PELI2: variants seen among roughly 807,000 people sequenced by gnomAD.
PELI2 encodes pellino E3 ubiquitin protein ligase family member 2, also known as E3 ubiquitin-protein ligase pellino homolog 2.
A neutral mutation model predicts 42.3 loss-of-function variants in PELI2; 23 were observed. The observed-to-expected ratio is 0.54, with a 90% confidence interval of 0.39 to 0.77. PELI2 has a LOEUF of 0.77. Among genes scored for constraint, PELI2 ranks in the 30% least tolerant of loss-of-function variants. PELI2 has a pLI of 0.00. For synonymous variants in PELI2, 245 were observed against 212.2 expected (o/e 1.15, Z -1.34); for missense variants, 463 against 553.2 (o/e 0.84, Z 1.64).
intron 1 of PELI2, among the ~76,000 whole-genome samples, chr14:56,175,352 G>A (rs1885334279): frequency 6.6e-6 from 1 of 152,174 alleles, no homozygotes; most frequent in Admixed American, 6.5e-5. Context: ...AATGCGTCCT[G>A]CCATGTGCCT....
chr14:56,127,024 G>A (rs1883295665), intron 1 of PELI2, among the ~76,000 whole-genome samples: 1 of 152,114 alleles, frequency 6.6e-6, no homozygotes, highest in African/African-American at 2.4e-5. Context: ...CAGCCTTTTT[G>A]ATGAGTTATT....
At chr14:56,212,452 T>G (rs1886744359) in intron 2 of PELI2, among the ~76,000 whole-genome samples, 1 of 152,230 alleles carries the variant, frequency 6.6e-6, no homozygotes, top group South Asian at 2.1e-4. Flanking sequence ...GCATCCCCTC[T>G]TCTTTTCCCT....
intron 1 of PELI2, among the ~76,000 whole-genome samples, chr14:56,162,628 A>G (rs1415845748): frequency 1.3e-5 from 2 of 152,206 alleles, no homozygotes; most frequent in Non-Finnish European, 2.9e-5. Context: ...GTATATACCC[A>G]GTAGTGAGAT....
intron 2 of PELI2, among the ~76,000 whole-genome samples, chr14:56,182,271 T>G (rs1885615625): frequency 6.6e-6 from 1 of 152,100 alleles, no homozygotes; most frequent in Non-Finnish European, 1.5e-5. Context: ...ATTTGGATTT[T>G]TAAATAAGGG....
intron 2 of PELI2, among the ~76,000 whole-genome samples, chr14:56,187,060 G>GTT (rs1885793706): frequency 6.6e-6 from 1 of 152,140 alleles, no homozygotes; most frequent in Admixed American, 6.5e-5. Flanking sequence ...AAATGAAGGA[G>GTT]TTAAAAAGTT....
chr14:56,149,661 T>C (rs1007278294), intron 1 of PELI2, among the ~76,000 whole-genome samples: 2 of 152,202 alleles, frequency 1.3e-5, no homozygotes, highest in Non-Finnish European at 2.9e-5. Flanking sequence ...TCTGGTAGAT[T>C]AATTTTTACC....
intron 1 of PELI2, among the ~76,000 whole-genome samples, chr14:56,134,034 G>T (rs1883593115): frequency 6.6e-6 from 1 of 152,138 alleles, no homozygotes; most frequent in South Asian, 2.1e-4. Context: ...AGAATGCTTA[G>T]TTTATTTATA....
intron 2 of PELI2, among the ~76,000 whole-genome samples, chr14:56,211,744 G>A (rs914440722): frequency 5.3e-5 from 8 of 152,104 alleles, no homozygotes; most frequent in Non-Finnish European, 1.0e-4. Context: ...AGCTGATAAG[G>A]TTGCCAGATG....
At position 56,118,625 on chromosome 14, in the gene PELI2, G is replaced by GCGT; in HGVS notation, c.-33_-31dup. The stretch of plus-strand genomic sequence containing the variant: ...GGCGGGGATCGCGGCGGAGGCGGCG[G>GCGT]CGTCGGCGGCGGCGTCGGCGGCCGA... On this transcript the variant is annotated 5_prime_UTR_variant, in exon 1 of 6. Coordinates refer to ENST00000267460, the MANE Select transcript of PELI2 (RefSeq NM_021255.3). 8 of 1,282,710 alleles carry GCGT rather than the reference G, an allele frequency of 6.2e-6. No individual in the cohort carries two copies. Among genetic ancestry groups the GCGT allele is most frequent in the Non-Finnish European group, 8.1e-6 (8 of 985,342 alleles). The allele number at this position is 1,282,710 out of a possible 1,614,324, so 79.5% of individuals were successfully genotyped here. A position where few individuals can be genotyped will look rare whatever the true frequency, so the allele number is the denominator to read the frequency against.
chr14:56,118,893 G>A lies in PELI2; in HGVS notation c.77+156G>A, dbSNP rs1453364456. ...TCAGGGCCCGGACGGCGGCGCGGGG[G>A]CGGGATGCGCCCCATCGGCGCGCGC... On this transcript the variant is annotated intron_variant, in intron 1 of 5. Transcript: ENST00000267460. 2.0e-5 allele frequency among the ~76,000 whole-genome samples: 3 copies of A among 150,762 alleles called. No individual in the cohort carries two copies. The East Asian group carries it at 5.9e-4, about 30-fold the overall frequency.
rs929138537 is a variant in PELI2 at position 56,288,332 on chromosome 14, A to G, written c.310-105A>G. On this transcript the variant is annotated intron_variant, in intron 3 of 5. Transcript: ENST00000267460. This position sits in a 1 kb window ranked among gnomAD's most constrained non-coding sequence, Gnocchi z 4.6. ...TGCATTAAATTCTAACCCTCAGAAC[A>G]AGGATAGTGAATGTTAAAGGAATCC... The G allele has an allele frequency of 2.5e-6, 2 of 807,894 alleles. No individual in the cohort carries two copies. The highest frequency in any genetic ancestry group is 4.1e-6 in the Non-Finnish European group (2 of 487,670). 50.0% of individuals were successfully genotyped at this position (807,894 alleles called of 1,614,324 possible).
chr14:56,257,449 TTTAAA>T (rs1250319316), intron 2 of PELI2, among the ~76,000 whole-genome samples: 6 of 152,214 alleles, frequency 3.9e-5, no homozygotes, highest in Admixed American at 1.3e-4. Context: ...TTTAAAATTG[TTTAAA>T]TTATTAAAAT....
chr14:56,185,136 G>A (rs754264865), intron 2 of PELI2, among the ~76,000 whole-genome samples: 8 of 152,024 alleles, frequency 5.3e-5, no homozygotes, highest in Non-Finnish European at 1.2e-4. Context: ...GTGATTAGGT[G>A]ATTATCCTAT....
chr14:56,118,617 A>G lies in PELI2; in HGVS notation c.-44A>G, dbSNP rs868693523. ...GCGGACTCGGCGGGGATCGCGGCGG[A>G]GGCGGCGGCGTCGGCGGCGGCGTCG... On this transcript the variant is annotated 5_prime_UTR_variant, in exon 1 of 6. Coordinates refer to ENST00000267460, the MANE Select transcript of PELI2 (RefSeq NM_021255.3). 1.6e-6 allele frequency: 2 copies of G among 1,234,074 alleles called. No individual in the cohort carries two copies. Among genetic ancestry groups the G allele is most frequent in the East Asian group, 3.3e-5 (1 of 30,452 alleles). The allele number at this position is 1,234,074 out of a possible 1,614,324, so 76.4% of individuals were successfully genotyped here.
At chr14:56,284,064 T>C (rs1889570071) in intron 3 of PELI2, among the ~76,000 whole-genome samples, 3 of 152,200 alleles carry the variant, frequency 2.0e-5, no homozygotes, top group Non-Finnish European at 4.4e-5. Context: ...AAATGATTTC[T>C]AGGGTTAATT....
chr14:56,155,513 T>C (rs2343377), intron 1 of PELI2, among the ~76,000 whole-genome samples: 59,319 of 151,632 alleles, frequency 0.39, 12,710 homozygotes, highest in South Asian at 0.53. Flanking sequence ...ACTTTTAATA[T>C]ATCAACAGTC....
intron 2 of PELI2, among the ~76,000 whole-genome samples, chr14:56,212,725 A>G (rs1886754409): frequency 6.6e-6 from 1 of 152,222 alleles, no homozygotes; most frequent in Non-Finnish European, 1.5e-5. Context: ...AAGACTCTTC[A>G]TAACTCTTCA....
At chr14:56,201,648 A>G (rs960919548) in intron 2 of PELI2, among the ~76,000 whole-genome samples, 1 of 152,346 alleles carries the variant, frequency 6.6e-6, no homozygotes, top group Non-Finnish European at 1.5e-5. Flanking sequence ...CATTTGGTTA[A>G]TTGCAAAATA....
chr14:56,246,322 C>T (rs555537835), intron 2 of PELI2, among the ~76,000 whole-genome samples: 4 of 152,244 alleles, frequency 2.6e-5, no homozygotes, highest in South Asian at 2.1e-4. Flanking sequence ...TCCCTTTAAC[C>T]GTAACTTTTA....
Sources: gnomAD v4.1 joint callset for allele counts (sites outside exome capture counted in the v4.1 genomes callset) on GRCh38, gnomAD v4.1.1 for gene constraint, Gnocchi (gnomAD v3.1) non-coding constraint, MANE v1.5 for transcripts, NCBI Gene and HGNC (gene_info 2026-07-23, HGNC 2026-07-21) for gene names.